Variants in COMMD1 observed in about 807,000 individuals in gnomAD.
The protein encoded by COMMD1 is copper metabolism domain containing 1.
Under a neutral mutation model 17.2 loss-of-function variants are expected in COMMD1, and 10 were observed. The observed-to-expected ratio is 0.58, with a 90% confidence interval of 0.36 to 0.99. The LOEUF (loss-of-function observed/expected upper bound fraction) is 0.99. COMMD1 is among the 50% of genes least tolerant of loss of function. The pLI, the probability that COMMD1 is intolerant of heterozygous loss-of-function variation, is 0.01. For synonymous variants in COMMD1, 97 were observed against 91.6 expected, an observed-to-expected ratio of 1.06 and a Z score of -0.34; for missense variants, 270 against 231.8, an observed-to-expected ratio of 1.17 and a Z score of -1.07.
upstream of COMMD1, chr2:61,888,459 C>A: frequency 6.2e-7 from 1 of 1,611,476 alleles, no homozygotes; most frequent in South Asian, 1.1e-5. Context: ...CCGCGGCCGC[C>A]GGCAGCCCCG....
chr2:61,996,135 C>T (rs1006784222), intron 1 of COMMD1, among the ~76,000 whole-genome samples: 2 of 152,228 alleles, frequency 1.3e-5, no homozygotes, highest in African/African-American at 4.8e-5. Flanking sequence ...GAGTTTGAGG[C>T]TGCAGTGAGC....
chr2:62,028,628 T>C (rs1190181093), intron 2 of COMMD1, among the ~76,000 whole-genome samples: 1 of 152,088 alleles, frequency 6.6e-6, no homozygotes, highest in Non-Finnish European at 1.5e-5. Flanking sequence ...AACTATTGGA[T>C]AGGTTTTTTT....
At chr2:62,088,112 A>G (rs1027616114) in intron 2 of COMMD1, among the ~76,000 whole-genome samples, 1 of 150,992 alleles carries the variant, frequency 6.6e-6, no homozygotes, top group African/African-American at 2.4e-5. Flanking sequence ...CTTTGATACT[A>G]CTCTCTCCTG....
chr2:61,957,147 C>T (rs988948603), intron 1 of COMMD1, among the ~76,000 whole-genome samples: 1 of 151,376 alleles, frequency 6.6e-6, no homozygotes, highest in Non-Finnish European at 1.5e-5. Flanking sequence ...GATGTGGTCT[C>T]GCTTGTTGCC....
chr2:61,998,840 G>A (rs548155060), intron 1 of COMMD1, among the ~76,000 whole-genome samples: 1 of 152,274 alleles, frequency 6.6e-6, no homozygotes, highest in South Asian at 2.1e-4. Context: ...CCTGCAGAGA[G>A]GGAAAGAGAA....
chr2:61,996,326 G>A (rs924471630), intron 1 of COMMD1, among the ~76,000 whole-genome samples: 132 of 149,950 alleles, frequency 8.8e-4, no homozygotes, highest in Admixed American at 1.6e-3. Flanking sequence ...GTGTGTGTGT[G>A]TGTGTGTGTG....
At chr2:62,129,976 T>A (rs757639509) in intron 2 of COMMD1, among the ~76,000 whole-genome samples, 1 of 151,846 alleles carries the variant, frequency 6.6e-6, no homozygotes, top group African/African-American at 2.4e-5. Flanking sequence ...GAGATCGAGA[T>A]CATCCTGGCT....
chr2:61,977,403 C>T (rs115499813), intron 1 of COMMD1, among the ~76,000 whole-genome samples: 4,672 of 151,608 alleles, frequency 0.031, 86 homozygotes, highest in Middle Eastern at 0.079. Flanking sequence ...TGCCACAGCA[C>T]CTGGCTAATT....
At chr2:61,897,640 T>C (rs1427999092) in intron 1 of COMMD1, among the ~76,000 whole-genome samples, 1 of 152,104 alleles carries the variant, frequency 6.6e-6, no homozygotes, top group Non-Finnish European at 1.5e-5. Flanking sequence ...TCCCAGTTAC[T>C]CAGGAGGCTG....
At chr2:61,967,845 A>G (rs1202792347) in intron 1 of COMMD1, among the ~76,000 whole-genome samples, 1 of 152,182 alleles carries the variant, frequency 6.6e-6, no homozygotes, top group African/African-American at 2.4e-5. Flanking sequence ...CTTTCATAAT[A>G]ATGTTAAACA....
At position 62,116,676 on chromosome 2, in the gene COMMD1, CAAAAAAAAAAAA is replaced by C. The variant is rs70962759; in HGVS notation, c.463-19139_463-19128del. On this transcript the variant is annotated intron_variant, in intron 2 of 2. Coordinates refer to ENST00000311832, the MANE Select transcript of COMMD1 (RefSeq NM_152516.4). ...GACAGAGCGAGACTCTGTCTCATTA[CAAAAAAAAAAAA>C]AAAAAAAAAAAAAAAGGCCGGGCGT... Among the ~76,000 whole-genome samples, 168 of 28,548 alleles carry C rather than the reference CAAAAAAAAAAAA, an allele frequency of 5.9e-3. 1 individual carries two copies. The highest frequency in any genetic ancestry group is 0.016 in the African/African-American group (107 of 6,668). 18.7% of individuals were successfully genotyped at this position (28,548 alleles called of 152,430 possible).
intron 1 of COMMD1, among the ~76,000 whole-genome samples, chr2:61,972,541 C>T (rs572507215): frequency 6.6e-6 from 1 of 152,262 alleles, no homozygotes; most frequent in East Asian, 1.9e-4. Flanking sequence ...CTACCTCAGC[C>T]AGGTGATCAA....
chr2:62,085,020 C>T lies in COMMD1; in HGVS notation c.463-50811C>T, dbSNP rs566202953. ...TAAAAACATTATCTCATAATTCTCACATGGCCCTCTGAAGTGAGCAGGCAA... is the reference window on the plus strand; with the variant it reads ...TAAAAACATTATCTCATAATTCTCATATGGCCCTCTGAAGTGAGCAGGCAA... On this transcript the variant is annotated intron_variant, in intron 2 of 2. Coordinates refer to ENST00000311832, the MANE Select transcript of COMMD1 (RefSeq NM_152516.4). The T allele has an allele frequency of 3.9e-5, 6 of 152,308 alleles. No individual in the cohort carries two copies. In the East Asian group the frequency reaches 7.7e-4, roughly 20 times the overall value. The allele number at this position is 152,308 out of a possible 1,614,324, so 9.4% of individuals were successfully genotyped here.
chr2:61,969,665 A>G (rs1367424162), intron 1 of COMMD1, among the ~76,000 whole-genome samples: 2 of 152,142 alleles, frequency 1.3e-5, no homozygotes, highest in Non-Finnish European at 2.9e-5. Flanking sequence ...ATTAATTTAA[A>G]TCTGTGTGAT....
chr2:62,108,127 C>T (rs1672366407), intron 2 of COMMD1, among the ~76,000 whole-genome samples: 1 of 152,176 alleles, frequency 6.6e-6, no homozygotes, highest in South Asian at 2.1e-4. Flanking sequence ...ATATTTACTT[C>T]CCTATATCAG....
chr2:62,012,640 A>T (rs535547547), intron 2 of COMMD1, among the ~76,000 whole-genome samples: 1 of 152,146 alleles, frequency 6.6e-6, no homozygotes, highest in African/African-American at 2.4e-5. Flanking sequence ...ATTTAGTACA[A>T]GTCCCTAGTG....
chr2:61,955,301 CCT>C (rs1432787107), intron 1 of COMMD1, among the ~76,000 whole-genome samples: 1 of 142,144 alleles, frequency 7.0e-6, no homozygotes, highest in Non-Finnish European at 1.5e-5. Context: ...GCCAGAAGTT[CCT>C]CTCTCTCTTT....
chr2:61,945,165 C>T (rs544482186), intron 1 of COMMD1, among the ~76,000 whole-genome samples: 8 of 152,096 alleles, frequency 5.3e-5, no homozygotes, highest in African/African-American at 1.7e-4. Context: ...TAACTTTAGC[C>T]GAATGAAAGC....
At chr2:61,996,186 C>A (rs186272663) in intron 1 of COMMD1, among the ~76,000 whole-genome samples, 72 of 152,128 alleles carry the variant, frequency 4.7e-4, no homozygotes, top group Non-Finnish European at 8.7e-4. Context: ...TAACAGAGAC[C>A]CCATCTCCCA....
Sources: gnomAD v4.1 joint callset for allele counts (sites outside exome capture counted in the v4.1 genomes callset) on GRCh38, gnomAD v4.1.1 for gene constraint, MANE v1.5 for transcripts, NCBI Gene and HGNC (gene_info 2026-07-23, HGNC 2026-07-21) for gene names.